The following PHF14 variants were observed in gnomAD, a reference collection of about 807,000 sequenced individuals.
The protein encoded by PHF14 is PHD finger protein 14.
A neutral mutation model predicts 117.9 loss-of-function variants in PHF14; 55 were observed. The observed-to-expected ratio is 0.47, with a 90% confidence interval of 0.38 to 0.58. The LOEUF (loss-of-function observed/expected upper bound fraction) is 0.58. PHF14 is among the 20% of genes least tolerant of loss of function. The probability of loss-of-function intolerance (pLI) is 0.00; values close to 1 mark genes in which losing one functional copy is unlikely to be tolerated. For synonymous variants in PHF14, 409 were observed against 368.6 expected (o/e 1.11, Z -1.26); for missense variants, 978 against 1,122.2 (o/e 0.87, Z 1.84).
intron 2 of PHF14, among the ~76,000 whole-genome samples, chr7:10,976,309 G>A (rs1781863848): frequency 6.6e-6 from 1 of 151,990 alleles, no homozygotes; most frequent in Non-Finnish European, 1.5e-5. Context: ...CTGATATTTG[G>A]TATTTCCAAA....
At chr7:11,138,948 T>G (rs2128350457) in intron 17 of PHF14, among the ~76,000 whole-genome samples, 1 of 152,338 alleles carries the variant, frequency 6.6e-6, no homozygotes. Context: ...ATGATATTTC[T>G]AAAACAAATA....
At chr7:11,001,406 G>A (rs531061244) in intron 4 of PHF14, among the ~76,000 whole-genome samples, 2 of 152,048 alleles carry the variant, frequency 1.3e-5, no homozygotes, top group South Asian at 4.2e-4. Flanking sequence ...GTAAACTTTA[G>A]AGTCAGTTTG....
chr7:11,094,198 C>T lies in PHF14; in HGVS notation c.2655-17152C>T, dbSNP rs138025500. 1.5e-3 allele frequency among the ~76,000 whole-genome samples: 222 copies of T among 152,266 alleles called. 1 individual carries two copies. The highest frequency in any genetic ancestry group is 5.2e-3 in the African/African-American group (216 of 41,534). On this transcript the variant is annotated intron_variant, in intron 16 of 17. Transcript: ENST00000634607. ...CCTGGTGGAGGTGTCTGTTAGTTTT[C>T]TCTGGCTGTTAGAACAAATTACTAC... is the stretch of plus-strand genomic sequence containing the variant.
intron 7 of PHF14, among the ~76,000 whole-genome samples, chr7:11,029,139 G>A (rs1011715625): frequency 2.0e-5 from 3 of 151,998 alleles, no homozygotes; most frequent in African/African-American, 4.8e-5. Flanking sequence ...TATTTTATAC[G>A]AGAAGCTGAA....
intron 2 of PHF14, among the ~76,000 whole-genome samples, chr7:10,981,027 G>A (rs1390172807): frequency 6.6e-6 from 1 of 152,074 alleles, no homozygotes; most frequent in African/African-American, 2.4e-5. Flanking sequence ...GGGTCAGTCA[G>A]TATCTGTTAA....
intron 4 of PHF14, among the ~76,000 whole-genome samples, chr7:11,001,571 G>A (rs1034868699): frequency 2.9e-5 from 4 of 139,502 alleles, no homozygotes; most frequent in Non-Finnish European, 6.3e-5. Flanking sequence ...TCTTTCATCA[G>A]AGTTTTGCAG....
At chr7:11,060,322 A>T (rs976883590) in intron 14 of PHF14, among the ~76,000 whole-genome samples, 6 of 152,192 alleles carry the variant, frequency 3.9e-5, no homozygotes, top group Non-Finnish European at 5.9e-5. Flanking sequence ...GTGTAGAAAG[A>T]TGAATATGAT....
At chr7:11,005,238 A>G (rs533664668) in intron 4 of PHF14, among the ~76,000 whole-genome samples, 1 of 152,284 alleles carries the variant, frequency 6.6e-6, no homozygotes, top group African/African-American at 2.4e-5. Flanking sequence ...AATTACACTG[A>G]TTACATATGT....
In PHF14 at chr7:11,036,497, C is replaced by G; in HGVS notation, c.1682C>G (p.Pro561Arg). ...TCTACCAGACCCCAGGCCTGGGTTC[C>G]AAGGGAAAAATTGCCCAGACCACTC... is the stretch of plus-strand genomic sequence containing the variant. Reference protein sequence around the residue: ...ARSTRPQAWVPREKLPRPLTS... With the variant: ...ARSTRPQAWVRREKLPRPLTS... Residue 561 changes from proline to arginine, a missense_variant, in exon 9 of 18, where the codon CCA becomes CGA. Around this residue, in one of 7 missense-constraint regions of PHF14, gnomAD observed 237 missense variants for 276.4 expected, o/e 0.86. Coordinates refer to ENST00000634607, the MANE Select transcript of PHF14 (RefSeq NM_001007157.2). 1 of 1,613,866 alleles carries G rather than the reference C, an allele frequency of 6.2e-7. No homozygotes were observed. The highest frequency in any genetic ancestry group is 8.5e-7 in the Non-Finnish European group (1 of 1,179,810).
At chr7:11,127,691 T>C (rs1476648718) in intron 17 of PHF14, among the ~76,000 whole-genome samples, 1 of 152,136 alleles carries the variant, frequency 6.6e-6, no homozygotes, top group Non-Finnish European at 1.5e-5. Flanking sequence ...AGTTTCACCT[T>C]TCCTCATTCT....
chr7:11,069,134 C>A (rs1785523503), intron 16 of PHF14, among the ~76,000 whole-genome samples: 1 of 152,118 alleles, frequency 6.6e-6, no homozygotes, highest in African/African-American at 2.4e-5. Flanking sequence ...AGGTTGCTGG[C>A]TCCTGAGTAT....
intron 17 of PHF14, among the ~76,000 whole-genome samples, chr7:11,153,880 G>A (rs1451156747): frequency 1.3e-5 from 2 of 151,776 alleles, no homozygotes; most frequent in Admixed American, 6.6e-5. Context: ...ACAGAGTCTC[G>A]AAGTATTGTG....
intron 13 of PHF14, among the ~76,000 whole-genome samples, chr7:11,049,037 A>G (rs1784765543): frequency 6.6e-6 from 1 of 152,220 alleles, no homozygotes; most frequent in African/African-American, 2.4e-5. Context: ...TTGCTACCAA[A>G]AGAGAAGCGA....
rs759229051 is a variant in PHF14, at chr7:10,997,699, A to G, written c.1045+6852A>G. The stretch of plus-strand genomic sequence containing the variant: ...GTTGTTGGTAGGCTTCAGTTCTTTG[A>G]TGGCTGTTGGCCAGAGACCTCAGTT... On this transcript the variant is annotated intron_variant, in intron 4 of 17. Coordinates refer to ENST00000634607, the MANE Select transcript of PHF14 (RefSeq NM_001007157.2). Among the ~76,000 whole-genome samples the G allele has an allele frequency of 5.9e-5, 9 of 152,268 alleles. No individual in the cohort carries two copies. In the South Asian group the frequency reaches 6.2e-4, roughly 11 times the overall value.
chr7:11,041,936 T>G (rs1160019971), intron 12 of PHF14, among the ~76,000 whole-genome samples: 2 of 151,718 alleles, frequency 1.3e-5, no homozygotes, highest in African/African-American at 4.8e-5. Flanking sequence ...TTCTGTACTT[T>G]CCAAATATAA....
At chr7:11,169,137 C>G (rs925772333) in intron 17 of PHF14, among the ~76,000 whole-genome samples, 1 of 151,814 alleles carries the variant, frequency 6.6e-6, no homozygotes, top group Non-Finnish European at 1.5e-5. Context: ...CTAGCTCATC[C>G]CCTGCAAAGA....
intron 14 of PHF14, among the ~76,000 whole-genome samples, chr7:11,060,420 T>G (rs1384691956): frequency 6.6e-6 from 1 of 152,212 alleles, no homozygotes; most frequent in Non-Finnish European, 1.5e-5. Context: ...GGAAAAGAGA[T>G]GAATGTAGAA....
At chr7:11,107,332 A>G (rs1787304637) in intron 16 of PHF14, 33 of 930,780 alleles carry the variant, frequency 3.5e-5, no homozygotes, top group South Asian at 5.0e-5. Context: ...CTAAGTAAGT[A>G]TTTTACATAC....
At chr7:11,056,789 A>T (rs1035258493) in intron 14 of PHF14, among the ~76,000 whole-genome samples, 2 of 148,756 alleles carry the variant, frequency 1.3e-5, no homozygotes, top group African/African-American at 2.4e-5. Context: ...CTATACATAT[A>T]ATTTTATATT....
Sources: allele counts gnomAD v4.1 joint callset (sites outside exome capture counted in the v4.1 genomes callset), GRCh38; gene constraint gnomAD v4.1.1; regional missense constraint gnomAD v4.1.1; transcripts MANE v1.5; gene names NCBI Gene and HGNC (gene_info 2026-07-23, HGNC 2026-07-21).